Variants in IFNLR1 observed in about 807,000 individuals in gnomAD.
IFNLR1 encodes interferon lambda receptor 1.
In IFNLR1, 28 loss-of-function variants were observed where a neutral mutation model predicts 52.5. The ratio of observed to expected loss-of-function variants is 0.53; its 90% confidence interval spans 0.40 to 0.73. The LOEUF is 0.73. Among genes scored for constraint, IFNLR1 ranks in the 30% least tolerant of loss-of-function variants. The probability of loss-of-function intolerance (pLI) is 0.00; values close to 1 mark genes in which losing one functional copy is unlikely to be tolerated. For synonymous variants in IFNLR1, 276 were observed against 274.9 expected (o/e 1.00, Z -0.04); for missense variants, 623 against 659.1 (o/e 0.95, Z 0.60).
chr1:24,179,395 C>T (rs1351259090), intron 2 of IFNLR1, among the ~76,000 whole-genome samples: 1 of 152,238 alleles, frequency 6.6e-6, no homozygotes, highest in Non-Finnish European at 1.5e-5. Context: ...CAGAGAGCTG[C>T]TGTGAGATTA....
At chr1:24,187,030 T>C (rs1187802670) in intron 1 of IFNLR1, among the ~76,000 whole-genome samples, 161 bp downstream of exon 1, 2 of 152,204 alleles carry the variant, frequency 1.3e-5, no homozygotes, top group Non-Finnish European at 2.9e-5. Flanking sequence ...TGTTCAGTCC[T>C]GGGAAGAAGC....
intron 3 of IFNLR1, among the ~76,000 whole-genome samples, chr1:24,166,560 T>C (rs1310095195): frequency 6.6e-6 from 1 of 152,084 alleles, no homozygotes; most frequent in East Asian, 1.9e-4. Context: ...ATTTTTTCTT[T>C]CTTTAAGACA....
rs2148603184 is a variant in IFNLR1, at chr1:24,180,943, AGCAG to A, written c.59-93_59-90del. On this transcript the variant is annotated intron_variant, in intron 1 of 6. Coordinates refer to ENST00000327535, the MANE Select transcript of IFNLR1 (RefSeq NM_170743.4). The stretch of plus-strand genomic sequence containing the variant: ...AAGCTGAGGGGCAGCACGAAGGGCA[AGCAG>A]GTGCTCACTGAGTTTGAGGAACCAG... 3.6e-6 allele frequency: 5 copies of A among 1,388,034 alleles called. No individual in the cohort carries two copies. The South Asian group carries it at 6.7e-5, about 19-fold the overall frequency. The allele number at this position is 1,388,034 out of a possible 1,614,324, so 86.0% of individuals were successfully genotyped here.
rs1280262531 is a variant in IFNLR1 at position 24,156,247 on chromosome 1, C to A, written c.*883G>T. 1 of 152,224 alleles carries A rather than the reference C, an allele frequency of 6.6e-6. No individual in the cohort carries two copies. Among genetic ancestry groups the A allele is most frequent in the Non-Finnish European group, 1.5e-5 (1 of 68,102 alleles). 9.4% of individuals were successfully genotyped at this position (152,224 alleles called of 1,614,324 possible). On this transcript the variant is annotated 3_prime_UTR_variant, in exon 7 of 7. Transcript: ENST00000327535. ...GGAAGGAGGTAGACTGGGGATGAGA[C>A]AAGCTGAATGTTAAGTGCTCTCAGT... is the stretch of plus-strand genomic sequence containing the variant.
chr1:24,183,820 C>A (rs1469849062), intron 1 of IFNLR1, among the ~76,000 whole-genome samples: 5 of 152,210 alleles, frequency 3.3e-5, no homozygotes, highest in African/African-American at 1.2e-4. Flanking sequence ...ACCTCCACCT[C>A]CCGGGTTCAA....
chr1:24,182,792 C>T (rs1309170179), intron 1 of IFNLR1, among the ~76,000 whole-genome samples: 4 of 151,908 alleles, frequency 2.6e-5, no homozygotes, highest in East Asian at 3.9e-4. Flanking sequence ...TGGTGGTGCA[C>T]GCCTGTAATC....
At chr1:24,160,426 T>C (rs983560545) in intron 4 of IFNLR1, among the ~76,000 whole-genome samples, 2 of 152,242 alleles carry the variant, frequency 1.3e-5, no homozygotes, top group East Asian at 1.9e-4. Context: ...TACCATTCAA[T>C]TGGATGAAGT....
chr1:24,175,982 T>G (rs1461132102), intron 2 of IFNLR1, among the ~76,000 whole-genome samples: 2 of 148,578 alleles, frequency 1.3e-5, no homozygotes, highest in Admixed American at 1.3e-4. Context: ...AGGGGGTGAA[T>G]GTATTTTGCA....
Position 24,159,185 on chromosome 1 carries a change from A to G in IFNLR1, c.671-3T>C, listed in dbSNP as rs780298267. 6.2e-7 allele frequency: 1 copy of G among 1,613,968 alleles called. No individual in the cohort carries two copies. The highest frequency in any genetic ancestry group is 8.5e-7 in the Non-Finnish European group (1 of 1,179,938). On this transcript the variant is annotated splice_polypyrimidine_tract_variant and splice_region_variant and intron_variant, in intron 5 of 6. Coordinates refer to ENST00000327535, the MANE Select transcript of IFNLR1 (RefSeq NM_170743.4). ...CACCAGGAAAGCCCAGTTGGCTTCT[A>G]AGGAAGGAAAAATAACAATGAGAGA... is the stretch of plus-strand genomic sequence containing the variant.
intron 3 of IFNLR1, among the ~76,000 whole-genome samples, chr1:24,163,457 C>T (rs1644485520): frequency 6.6e-6 from 1 of 152,164 alleles, no homozygotes; most frequent in Admixed American, 6.5e-5. Context: ...ATTCCTACTG[C>T]CACGCAATAC....
chr1:24,185,413 A>C (rs181074492), intron 1 of IFNLR1, among the ~76,000 whole-genome samples: 1 of 152,200 alleles, frequency 6.6e-6, no homozygotes, highest in Admixed American at 6.5e-5. Context: ...TTCCTGCCCT[A>C]TAGGAGCTCA....
chr1:24,169,701 T>G (rs1481669707), intron 2 of IFNLR1, 100 bp from the exon 3 acceptor site: 4 of 1,256,318 alleles, frequency 3.2e-6, no homozygotes, highest in Non-Finnish European at 4.4e-6. Context: ...TTGGCTGGAC[T>G]GACTTTAGGT....
intron 2 of IFNLR1, among the ~76,000 whole-genome samples, chr1:24,176,945 C>A (rs1352033679): frequency 6.6e-6 from 1 of 152,098 alleles, no homozygotes; most frequent in African/African-American, 2.4e-5. Context: ...GAAGATCCAA[C>A]ATACAAGTGA....
rs77396647 is a variant in IFNLR1 at position 24,156,746 on chromosome 1, G to A, written c.*384C>T. ...GCAGGTGTGCCTCCAGTGGTCTCAAGTTCCAGAGGGCCCCTTGGTGGTGTC... is the reference window on the plus strand; with the variant it reads ...GCAGGTGTGCCTCCAGTGGTCTCAAATTCCAGAGGGCCCCTTGGTGGTGTC... On this transcript the variant is annotated 3_prime_UTR_variant, in exon 7 of 7. Coordinates refer to ENST00000327535, the MANE Select transcript of IFNLR1 (RefSeq NM_170743.4). 5,218 of 199,548 alleles carry A rather than the reference G, an allele frequency of 0.026. 241 individuals are homozygous for A. Among genetic ancestry groups the A allele is most frequent in the African/African-American group, 0.11 (4,603 of 42,710 alleles). The allele number at this position is 199,548 out of a possible 1,614,324, so 12.4% of individuals were successfully genotyped here. A position where few individuals can be genotyped will look rare whatever the true frequency, so the allele number is the denominator to read the frequency against.
In IFNLR1 at chr1:24,157,047, A is replaced by C; in HGVS notation, c.*83T>G. 1 of 1,475,860 alleles carries C rather than the reference A, an allele frequency of 6.8e-7. No homozygotes were observed. The highest frequency in any genetic ancestry group is 9.1e-7 in the Non-Finnish European group (1 of 1,096,204). 91.4% of individuals were successfully genotyped at this position (1,475,860 alleles called of 1,614,324 possible). ...CCTCCGCCGCCCAGGGGAGGTACGG[A>C]GGCTCTTGAGTTTCTTGGGAAGCCC... On this transcript the variant is annotated 3_prime_UTR_variant, in exon 7 of 7. Coordinates refer to ENST00000327535, the MANE Select transcript of IFNLR1 (RefSeq NM_170743.4). This position sits in a 1 kb window ranked among gnomAD's most constrained non-coding sequence, Gnocchi z 5.1.
chr1:24,172,633 A>G (rs570594288), intron 2 of IFNLR1, among the ~76,000 whole-genome samples: 1 of 152,368 alleles, frequency 6.6e-6, no homozygotes, highest in African/African-American at 2.4e-5. Context: ...AGAAGAAAGC[A>G]TAGAAGAAAA....
Position 24,162,724 on chromosome 1 carries a change from T to TTTTCTTTCTTTC in IFNLR1, c.368-1052_368-1041dup, listed in dbSNP as rs869032994. ...TTCTTTTCTTTTCTTTCTTTCTTTC[T>TTTTCTTTCTTTC]TTTCTTTCTTTCTTTCTTTCTTTCT... On this transcript the variant is annotated intron_variant, in intron 3 of 6. Transcript: ENST00000327535. 6.2e-4 allele frequency among the ~76,000 whole-genome samples: 20 copies of TTTTCTTTCTTTC among 32,488 alleles called. 1 individual carries two copies. Among genetic ancestry groups the TTTTCTTTCTTTC allele is most frequent in the Middle Eastern group, 0.012 (1 of 82 alleles). 21.3% of individuals were successfully genotyped at this position (32,488 alleles called of 152,430 possible). A position where few individuals can be genotyped will look rare whatever the true frequency, so the allele number is the denominator to read the frequency against.
At position 24,168,903 on chromosome 1, in the gene IFNLR1, C is replaced by A. The variant is rs1644548247; in HGVS notation, c.367+514G>T. ...GGATTACAGGTGCCTGCCACCAAGC[C>A]TGGCTAATTTTTGTATTTTTAGTAA... On this transcript the variant is annotated intron_variant, in intron 3 of 6. Coordinates refer to ENST00000327535, the MANE Select transcript of IFNLR1 (RefSeq NM_170743.4). Among the ~76,000 whole-genome samples the A allele has an allele frequency of 2.6e-5, 4 of 152,264 alleles. No homozygotes were observed. The South Asian group carries it at 8.3e-4, about 32-fold the overall frequency.
rs1644389832 is a variant in IFNLR1 at position 24,157,257 on chromosome 1, C to T, written c.1436G>A (p.Ser479Asn). ...LQTLTFCWES[S>N]PEEEEEARES... ...CCTCGCCTCCTCTTCCTCCTCAGGGCTGCTTTCCCAGCAGAAGGTCAGTGT... is the reference window on the plus strand; with the variant it reads ...CCTCGCCTCCTCTTCCTCCTCAGGGTTGCTTTCCCAGCAGAAGGTCAGTGT... Residue 479 changes from serine (S) to asparagine (N), a missense_variant, in exon 7 of 7, where the codon AGC (serine) becomes AAC (asparagine). Coordinates refer to ENST00000327535, the MANE Select transcript of IFNLR1 (RefSeq NM_170743.4). The surrounding 1 kb of genome is among the most constrained non-coding windows in gnomAD (Gnocchi z 5.1). The T allele has an allele frequency of 1.2e-6, 2 of 1,614,178 alleles. No homozygotes were observed. The highest frequency in any genetic ancestry group is 1.7e-6 in the Non-Finnish European group (2 of 1,180,032).
Sources: allele counts gnomAD v4.1 joint callset (sites outside exome capture counted in the v4.1 genomes callset), GRCh38; gene constraint gnomAD v4.1.1; non-coding constraint Gnocchi (gnomAD v3.1); transcripts MANE v1.5; gene names NCBI Gene and HGNC (gene_info 2026-07-23, HGNC 2026-07-21).